EHMT1: variants seen among roughly 807,000 people sequenced by gnomAD.
The protein encoded by EHMT1 is histone-lysine N-methyltransferase EHMT1.
A neutral mutation model predicts 147.2 loss-of-function variants in EHMT1; 15 were observed. That is an observed-to-expected ratio of 0.10 (90% CI 0.07 to 0.16). EHMT1 has a LOEUF of 0.16. Among genes scored for constraint, EHMT1 ranks in the 10% least tolerant of loss-of-function variants. The pLI, the probability that EHMT1 is intolerant of heterozygous loss-of-function variation, is 1.00. For synonymous variants in EHMT1, 795 were observed against 709.6 expected, an observed-to-expected ratio of 1.12 and a Z score of -1.91; for missense variants, 1,587 against 1,772.4, an observed-to-expected ratio of 0.90 and a Z score of 1.88.
intron 4 of EHMT1, among the ~76,000 whole-genome samples, chr9:137,737,855 A>C (rs1205529611): frequency 6.6e-6 from 1 of 152,032 alleles, no homozygotes; most frequent in East Asian, 1.9e-4. Context: ...CAAAATATAC[A>C]AAAAAAATCC....
rs1192201076 is a variant in EHMT1 at position 137,828,281 on chromosome 9, C to T, written c.3541-6068C>T. 6.6e-6 allele frequency among the ~76,000 whole-genome samples: 1 copy of T among 151,600 alleles called. No homozygotes were observed. On this transcript the variant is annotated intron_variant, in intron 25 of 26. Coordinates refer to ENST00000460843, the MANE Select transcript of EHMT1 (RefSeq NM_024757.5). This position sits in a 1 kb window ranked among gnomAD's most constrained non-coding sequence, Gnocchi z 5.3. Reference sequence around the variant, plus strand: ...GAGCCCCTCTGCATTCTTCAGGGTGCATGGAACCCACACCCTGTCCCCAAA... The same window carrying T: ...GAGCCCCTCTGCATTCTTCAGGGTGTATGGAACCCACACCCTGTCCCCAAA...
intron 1 of EHMT1, among the ~76,000 whole-genome samples, chr9:137,669,345 A>T (rs10867042): frequency 0.16 from 1,380 of 8,720 alleles, 327 homozygotes; most frequent in South Asian, 0.29. Flanking sequence ...TGGACCCCAC[A>T]CCACCCAAGA....
At chr9:137,670,603 C>T (rs1462360682) in intron 1 of EHMT1, among the ~76,000 whole-genome samples, 1 of 152,214 alleles carries the variant, frequency 6.6e-6, no homozygotes. Context: ...CTCCCATCTG[C>T]GCCTCTCTCT....
rs1169339318 is a variant in EHMT1, at chr9:137,813,823, G to A, written c.3180+293G>A. On this transcript the variant is annotated intron_variant, in intron 21 of 26. Transcript: ENST00000460843. The surrounding 1 kb of genome is among the most constrained non-coding windows in gnomAD (Gnocchi z 4.9). Reference sequence around the variant, plus strand: ...TTGTAACCTCACACTCAGGGGCCCCGGTGTGGCTTCGTGCTGGGGGCACAG... The same window carrying A: ...TTGTAACCTCACACTCAGGGGCCCCAGTGTGGCTTCGTGCTGGGGGCACAG... Among the ~76,000 whole-genome samples, 4 of 152,142 alleles carry A rather than the reference G, an allele frequency of 2.6e-5. No individual in the cohort carries two copies. The highest frequency in any genetic ancestry group is 9.7e-5 in the African/African-American group (4 of 41,428).
chr9:137,798,926 C>G lies in EHMT1; in HGVS notation c.2607+12C>G. On this transcript the variant is annotated intron_variant, in intron 17 of 26. Transcript: ENST00000460843. ...ACGTCAACTGTCAGGTACAGCCACC[C>G]CCTCCCCTTAGCAGTACACTGTGTG... is the stretch of plus-strand genomic sequence containing the variant. 1 of 1,602,048 alleles carries G rather than the reference C, an allele frequency of 6.2e-7. No individual in the cohort carries two copies. Among genetic ancestry groups the G allele is most frequent in the Non-Finnish European group, 8.6e-7 (1 of 1,168,988 alleles).
intron 4 of EHMT1, among the ~76,000 whole-genome samples, chr9:137,729,215 G>A (rs1056068339): frequency 2.6e-5 from 4 of 152,192 alleles, no homozygotes; most frequent in Non-Finnish European, 5.9e-5. Flanking sequence ...CGGCCCTCGT[G>A]AATGCTGCTG....
Position 137,787,971 on chromosome 9 carries a change from C to T in EHMT1, c.2383-2877C>T. The T allele has an allele frequency of 6.7e-7, 1 of 1,484,412 alleles. No individual in the cohort carries two copies. Among genetic ancestry groups the T allele is most frequent in the African/African-American group, 1.4e-5 (1 of 72,554 alleles). 92.0% of individuals were successfully genotyped at this position (1,484,412 alleles called of 1,614,324 possible). On this transcript the variant is annotated intron_variant, in intron 15 of 26. Transcript: ENST00000460843. The surrounding 1 kb of genome is among the most constrained non-coding windows in gnomAD (Gnocchi z 4.2). ...GGCCCTGTGTCCCCCACTGGACAGC[C>T]CCCCAGGAACTGAGGTGCCCTGCAG...
Position 137,652,299 on chromosome 9 carries a change from G to A in EHMT1, c.21+33250G>A, listed in dbSNP as rs146851243. Among the ~76,000 whole-genome samples, 68 of 151,786 alleles carry A rather than the reference G, an allele frequency of 4.5e-4. 1 individual carries two copies. Among genetic ancestry groups the A allele is most frequent in the Non-Finnish European group, 1.2e-4 (8 of 67,914 alleles). On this transcript the variant is annotated intron_variant, in intron 1 of 26. Coordinates refer to ENST00000460843, the MANE Select transcript of EHMT1 (RefSeq NM_024757.5). The stretch of plus-strand genomic sequence containing the variant: ...TGTAGAGATGAGGTCTTGCTATGTT[G>A]CCCAAGCCAGGCTGAAGTCATCCTC...
rs1405200487 is a variant in EHMT1, at chr9:137,630,863, AG to A, written c.21+11817del. Among the ~76,000 whole-genome samples, 3 of 152,230 alleles carry A rather than the reference AG, an allele frequency of 2.0e-5. No individual in the cohort carries two copies. The East Asian group carries it at 5.8e-4, about 29-fold the overall frequency. On this transcript the variant is annotated intron_variant, in intron 1 of 26. Transcript: ENST00000460843. Reference sequence around the variant, plus strand: ...CTGGAGAGGCAGGGCAAGGTTATCCAGGGCCTTGTTACCATGGTAACAAGTT... The same window carrying A: ...CTGGAGAGGCAGGGCAAGGTTATCCAGGCCTTGTTACCATGGTAACAAGTT...
At chr9:137,816,257 TC>T in intron 23 of EHMT1, 195 bp downstream of exon 23, 1 of 646,526 alleles carries the variant, frequency 1.5e-6, no homozygotes, top group South Asian at 1.7e-5. Flanking sequence ...GAGTCATGCT[TC>T]CCCCAGCACA....
chr9:137,696,099 C>G (rs905166431), intron 1 of EHMT1, among the ~76,000 whole-genome samples: 1 of 151,574 alleles, frequency 6.6e-6, no homozygotes, highest in Non-Finnish European at 1.5e-5. Context: ...TTGTTTTTTT[C>G]CAAATTTAGG....
intron 1 of EHMT1, among the ~76,000 whole-genome samples, chr9:137,661,417 T>C (rs909366880): frequency 6.6e-6 from 1 of 152,150 alleles, no homozygotes; most frequent in Non-Finnish European, 1.5e-5. Context: ...TGCTCTTCCA[T>C]TCCTAATTTA....
At chr9:137,711,849 C>A (rs1016846486) in intron 2 of EHMT1, among the ~76,000 whole-genome samples, 3 of 152,218 alleles carry the variant, frequency 2.0e-5, no homozygotes, top group African/African-American at 2.4e-5. Flanking sequence ...AGCTCAGACA[C>A]TGGACTTGCC....
At chr9:137,697,405 G>C (rs1943480192) in intron 1 of EHMT1, among the ~76,000 whole-genome samples, 1 of 152,200 alleles carries the variant, frequency 6.6e-6, no homozygotes, top group Non-Finnish European at 1.5e-5. Flanking sequence ...TTTGCCCTGA[G>C]GGAGATCCTG....
rs768149309 is a variant in EHMT1, at chr9:137,834,333, G to T, written c.3541-16G>T. 1.3e-6 allele frequency: 2 copies of T among 1,596,482 alleles called. No individual in the cohort carries two copies. Among genetic ancestry groups the T allele is most frequent in the Admixed American group, 3.4e-5 (2 of 58,332 alleles). The stretch of plus-strand genomic sequence containing the variant: ...GCCTTGCTAACTGCAGCCCGTGCCG[G>T]CTTCTCGCCCTGCAGGACGGGGAGG... On this transcript the variant is annotated splice_polypyrimidine_tract_variant and intron_variant, in intron 25 of 26. Transcript: ENST00000460843.
intron 1 of EHMT1, among the ~76,000 whole-genome samples, chr9:137,700,314 G>A (rs1274073239): frequency 6.6e-6 from 1 of 152,150 alleles, no homozygotes; most frequent in East Asian, 1.9e-4. Context: ...GTGCAGCATG[G>A]GGTCTGAGTT....
At chr9:137,785,164 G>C (rs1825923986) in intron 15 of EHMT1, 1 of 153,710 alleles carries the variant, frequency 6.5e-6, no homozygotes, top group Non-Finnish European at 1.5e-5. Flanking sequence ...TGCTGGTGGA[G>C]GGCCAGGCAT....
chr9:137,626,350 A>G (rs1038322140), intron 1 of EHMT1, among the ~76,000 whole-genome samples: 3 of 151,998 alleles, frequency 2.0e-5, no homozygotes, highest in East Asian at 3.8e-4. Flanking sequence ...GCAAGACCCT[A>G]AAATCTGGGA....
Position 137,719,914 on chromosome 9 carries a change from C to T in EHMT1, c.642+2732C>T, listed in dbSNP as rs777071866. 1.3e-3 allele frequency among the ~76,000 whole-genome samples: 89 copies of T among 69,850 alleles called. 1 individual carries two copies. Among genetic ancestry groups the T allele is most frequent in the Non-Finnish European group, 1.8e-3 (64 of 35,290 alleles). The allele number at this position is 69,850 out of a possible 152,430, so 45.8% of individuals were successfully genotyped here. ...AACCCCCTCCACACCAGGACACAGT[C>T]GAGGTGCCGAACCCCCTCCACACCA... On this transcript the variant is annotated intron_variant, in intron 3 of 26. Coordinates refer to ENST00000460843, the MANE Select transcript of EHMT1 (RefSeq NM_024757.5).
Sources: gnomAD v4.1 joint callset for allele counts (sites outside exome capture counted in the v4.1 genomes callset) on GRCh38, gnomAD v4.1.1 for gene constraint, Gnocchi (gnomAD v3.1) non-coding constraint, MANE v1.5 for transcripts, NCBI Gene and HGNC (gene_info 2026-07-23, HGNC 2026-07-21) for gene names.